Variants in TNFRSF11B observed in about 807,000 individuals in gnomAD.
The protein encoded by TNFRSF11B is TNF receptor superfamily member 11b.
TNFRSF11B carries 16 observed loss-of-function variants against 43.4 expected under a neutral mutation model. That is an observed-to-expected ratio of 0.37 (90% CI 0.25 to 0.56). TNFRSF11B has a LOEUF of 0.56. Ranked by LOEUF, TNFRSF11B falls within the 20% of genes least tolerant of loss-of-function variation. The pLI, the probability that TNFRSF11B is intolerant of heterozygous loss-of-function variation, is 0.80. For synonymous variants in TNFRSF11B, 185 were observed against 181.8 expected (o/e 1.02, Z -0.14); for missense variants, 444 against 490.1 (o/e 0.91, Z 0.89).
chr8:118,946,633 C>T (rs951019164), intron 1 of TNFRSF11B, among the ~76,000 whole-genome samples: 2 of 152,052 alleles, frequency 1.3e-5, no homozygotes, highest in Non-Finnish European at 2.9e-5. Context: ...TACTGCTGTT[C>T]ATATTTGCAT....
intron 4 of TNFRSF11B, among the ~76,000 whole-genome samples, chr8:118,925,997 A>G (rs938703113): frequency 6.6e-6 from 1 of 152,226 alleles, no homozygotes; most frequent in East Asian, 1.9e-4. Context: ...TTCTCATAAC[A>G]TATGCCATTA....
intron 1 of TNFRSF11B, among the ~76,000 whole-genome samples, chr8:118,950,753 A>C (rs187400239): frequency 3.3e-5 from 5 of 152,246 alleles, no homozygotes; most frequent in Admixed American, 2.6e-4. Flanking sequence ...TATCCAACTT[A>C]CCTGTTCTTT....
intron 1 of TNFRSF11B, among the ~76,000 whole-genome samples, chr8:118,941,840 T>A (rs946309323): frequency 2.0e-5 from 3 of 152,152 alleles, no homozygotes; most frequent in Non-Finnish European, 4.4e-5. Flanking sequence ...CTCACAGATC[T>A]TAATATTTCT....
chr8:118,924,873 C>T lies in TNFRSF11B; in HGVS notation c.818-111G>A, dbSNP rs1812227599. ...CTTGCAGAATTTCATAATTATATTT[C>T]AATGATAACCTTTTCTTTTGAGAGG... is the stretch of plus-strand genomic sequence containing the variant. On this transcript the variant is annotated intron_variant, in intron 4 of 4. Coordinates refer to ENST00000297350, the MANE Select transcript of TNFRSF11B (RefSeq NM_002546.4). 6 of 1,325,684 alleles carry T rather than the reference C, an allele frequency of 4.5e-6. No individual in the cohort carries two copies. In the South Asian group the frequency reaches 5.0e-5, roughly 11 times the overall value. 82.1% of individuals were successfully genotyped at this position (1,325,684 alleles called of 1,614,324 possible). A position where few individuals can be genotyped will look rare whatever the true frequency, so the allele number is the denominator to read the frequency against.
At chr8:118,929,049 C>G (rs1368799103) in intron 2 of TNFRSF11B, 120 bp from the exon 3 acceptor site, 2 of 869,558 alleles carry the variant, frequency 2.3e-6, no homozygotes, top group Non-Finnish European at 3.7e-6. Context: ...TTATGTTGCA[C>G]AAAACTCTAG....
At chr8:118,947,682 T>C (rs3134065) in intron 1 of TNFRSF11B, among the ~76,000 whole-genome samples, 87,235 of 151,760 alleles carry the variant, frequency 0.57, 26,100 homozygotes, top group African/African-American at 0.75. Flanking sequence ...ATAATTGTTA[T>C]ACAAACTTAA....
At chr8:118,948,697 A>G (rs1586961566) in intron 1 of TNFRSF11B, among the ~76,000 whole-genome samples, 2 of 152,220 alleles carry the variant, frequency 1.3e-5, no homozygotes, top group Non-Finnish European at 2.9e-5. Context: ...GACAGGGATC[A>G]GGACTGTTTT....
intron 1 of TNFRSF11B, among the ~76,000 whole-genome samples, chr8:118,941,513 C>T (rs1812485414): frequency 6.6e-6 from 1 of 152,144 alleles, no homozygotes; most frequent in African/African-American, 2.4e-5. Context: ...GAAGAATTGT[C>T]TTCAGGTAAA....
chr8:118,949,294 G>A (rs769433719), intron 1 of TNFRSF11B, among the ~76,000 whole-genome samples: 3 of 151,966 alleles, frequency 2.0e-5, no homozygotes, highest in Admixed American at 6.6e-5. Flanking sequence ...ACAATGAAAC[G>A]TCATACCCCT....
intron 1 of TNFRSF11B, among the ~76,000 whole-genome samples, chr8:118,943,915 C>A (rs1178410030): frequency 6.6e-6 from 1 of 152,054 alleles, no homozygotes; most frequent in Non-Finnish European, 1.5e-5. Flanking sequence ...CCCAGCTAAC[C>A]CTTTATGTAA....
intron 1 of TNFRSF11B, among the ~76,000 whole-genome samples, chr8:118,940,148 G>A (rs2129910840): frequency 6.6e-6 from 1 of 152,260 alleles, no homozygotes; most frequent in African/African-American, 2.4e-5. Context: ...CTTGGACACA[G>A]GGCAGGGAAC....
chr8:118,939,535 C>T (rs1052199919), intron 1 of TNFRSF11B, among the ~76,000 whole-genome samples: 3 of 152,072 alleles, frequency 2.0e-5, no homozygotes, highest in Non-Finnish European at 2.9e-5. Context: ...TGGCTGGTTG[C>T]ATTGGGAGGG....
intron 1 of TNFRSF11B, among the ~76,000 whole-genome samples, chr8:118,942,356 T>G (rs934216186): frequency 6.6e-6 from 1 of 151,918 alleles, no homozygotes; most frequent in African/African-American, 2.4e-5. Context: ...CATTACCTTA[T>G]GAATCCTTTT....
chr8:118,933,332 C>G (rs1289353419), intron 1 of TNFRSF11B, 32 bp from the exon 2 acceptor site: 2 of 1,610,336 alleles, frequency 1.2e-6, no homozygotes, highest in Non-Finnish European at 1.7e-6. Flanking sequence ...GTGGCATCAT[C>G]TTAGCATGAA....
intron 2 of TNFRSF11B, among the ~76,000 whole-genome samples, chr8:118,932,470 T>C (rs1586955584): frequency 1.3e-5 from 2 of 152,214 alleles, no homozygotes; most frequent in South Asian, 4.1e-4. Context: ...TTCTCATTTT[T>C]TACATAATTA....
In TNFRSF11B at chr8:118,943,657, G is replaced by A. The variant is rs558488120; in HGVS notation, c.30+8135C>T. 1.4e-4 allele frequency among the ~76,000 whole-genome samples: 21 copies of A among 152,248 alleles called. No homozygotes were observed. In the East Asian group the frequency reaches 2.1e-3, roughly 15 times the overall value. ...ATCATAGGCTTTTTGTGAAAATTAAGTGAAATATGGTATGTAAGGTCCAAA... is the reference window on the plus strand; with the variant it reads ...ATCATAGGCTTTTTGTGAAAATTAAATGAAATATGGTATGTAAGGTCCAAA... On this transcript the variant is annotated intron_variant, in intron 1 of 4. Coordinates refer to ENST00000297350, the MANE Select transcript of TNFRSF11B (RefSeq NM_002546.4).
chr8:118,943,271 T>A (rs186537737), intron 1 of TNFRSF11B, among the ~76,000 whole-genome samples: 406 of 152,258 alleles, frequency 2.7e-3, no homozygotes, highest in Non-Finnish European at 5.0e-3. Context: ...ACCTAGGGAA[T>A]CTGGGCTCAT....
chr8:118,941,749 C>A (rs768266411), intron 1 of TNFRSF11B, among the ~76,000 whole-genome samples: 2 of 152,058 alleles, frequency 1.3e-5, no homozygotes, highest in African/African-American at 2.4e-5. Flanking sequence ...ACAAGAAAAT[C>A]TCTGAGAAAA....
At chr8:118,950,019 A>G (rs553056105) in intron 1 of TNFRSF11B, among the ~76,000 whole-genome samples, 2 of 152,342 alleles carry the variant, frequency 1.3e-5, no homozygotes, top group South Asian at 4.1e-4. Context: ...TTATCTTCTG[A>G]TAATGCTGTA....
Sources: gnomAD v4.1 joint callset for allele counts (sites outside exome capture counted in the v4.1 genomes callset) on GRCh38, gnomAD v4.1.1 for gene constraint, MANE v1.5 for transcripts, NCBI Gene and HGNC (gene_info 2026-07-23, HGNC 2026-07-21) for gene names.